COL6A6: variants seen among roughly 807,000 people sequenced by gnomAD.
The protein encoded by COL6A6 is collagen alpha-6(VI) chain.
Under a neutral mutation model 208.6 loss-of-function variants are expected in COL6A6, and 183 were observed. That is an observed-to-expected ratio of 0.88 (90% CI 0.78 to 0.99). COL6A6 has a LOEUF of 0.99. Ranked by LOEUF, COL6A6 falls within the 50% of genes least tolerant of loss-of-function variation. The probability of loss-of-function intolerance (pLI) is 0.00; values close to 1 mark genes in which losing one functional copy is unlikely to be tolerated. For missense variants in COL6A6, 2,816 were observed against 2,815.2 expected (o/e 1.00, Z -0.01); for synonymous variants, 973 against 1,011.8 (o/e 0.96, Z 0.73).
intron 33 of COL6A6, among the ~76,000 whole-genome samples, chr3:130,658,291 T>C (rs957756099): frequency 2.6e-5 from 4 of 152,154 alleles, no homozygotes; most frequent in African/African-American, 4.8e-5. Flanking sequence ...ATCTGTAAAA[T>C]GGGGATGATG....
chr3:130,649,589 C>T, intron 33 of COL6A6, 27 bp downstream of exon 33: 5 of 1,529,056 alleles, frequency 3.3e-6, no homozygotes, highest in Non-Finnish European at 4.4e-6. Context: ...TTTCACATGA[C>T]AATTCTTACT....
intron 23 of COL6A6, among the ~76,000 whole-genome samples, chr3:130,611,115 C>T (rs1049181502): frequency 5.9e-5 from 9 of 152,220 alleles, no homozygotes; most frequent in Non-Finnish European, 1.0e-4. Context: ...CCCCAGGACA[C>T]TTAAATCAGA....
Position 130,571,327 on chromosome 3 carries a change from A to T in COL6A6, c.2911A>T (p.Thr971Ser). 6.2e-7 allele frequency: 1 copy of T among 1,613,072 alleles called. No homozygotes were observed. The highest frequency in any genetic ancestry group is 1.1e-5 in the South Asian group (1 of 90,870). The part of the protein sequence containing the change: ...GSSDKYFFVE[T>S]FGGLKGIFSD... ...AAGCGACAAGTACTTCTTCGTGGAGACTTTTGGAGGTCTGAAGGGAATATT... is the reference window on the plus strand; with the variant it reads ...AAGCGACAAGTACTTCTTCGTGGAGTCTTTTGGAGGTCTGAAGGGAATATT... The change falls in exon 7 of 37, where the codon ACT becomes TCT. Residue 971 changes from threonine (T) to serine (S), a missense_variant. Transcript: ENST00000358511.
intron 23 of COL6A6, among the ~76,000 whole-genome samples, chr3:130,615,985 A>AT (rs2064506749): frequency 6.6e-6 from 1 of 152,022 alleles, no homozygotes; most frequent in African/African-American, 2.4e-5. Context: ...TACGTCTACC[A>AT]TTTTTCTGAC....
In COL6A6 at chr3:130,677,025, TAAAG is replaced by T. The variant is rs2066376062; in HGVS notation, c.*1631_*1634del. On this transcript the variant is annotated 3_prime_UTR_variant, in exon 37 of 37. Transcript: ENST00000358511. ...TTGTCTGTTTTTCTGCATTGGCAAG[TAAAG>T]AACATAAAACAAATATTCCCTTGGT... 1 of 152,260 alleles carries T rather than the reference TAAAG, an allele frequency of 6.6e-6. No homozygotes were observed. The highest frequency in any genetic ancestry group is 6.5e-5 in the Admixed American group (1 of 15,288). 9.4% of individuals were successfully genotyped at this position (152,260 alleles called of 1,614,324 possible).
At position 130,578,803 on chromosome 3, in the gene COL6A6, G is replaced by A. The variant is rs116579799; in HGVS notation, c.3548-2758G>A. On this transcript the variant is annotated intron_variant, in intron 8 of 36. Transcript: ENST00000358511. ...GGGACCAGGGCCTCCCTAAGTTCAC[G>A]TGGGTTGCACACGGGCACCAGAGCC... is the stretch of plus-strand genomic sequence containing the variant. 4.3e-3 allele frequency among the ~76,000 whole-genome samples: 651 copies of A among 152,280 alleles called. 1 individual carries two copies. The highest frequency in any genetic ancestry group is 0.014 in the African/African-American group (578 of 41,546).
At chr3:130,635,861 T>A in intron 28 of COL6A6, 100 bp downstream of exon 28, 1 of 866,304 alleles carries the variant, frequency 1.2e-6, no homozygotes, top group Non-Finnish European at 1.9e-6. Flanking sequence ...TACCAGTGAC[T>A]TGCAAAATGC....
intron 23 of COL6A6, among the ~76,000 whole-genome samples, chr3:130,620,624 A>C (rs979981424): frequency 6.6e-6 from 1 of 152,158 alleles, no homozygotes; most frequent in Admixed American, 6.6e-5. Flanking sequence ...GGGGAGAGAT[A>C]GGGTATTATG....
chr3:130,565,334 G>C lies in COL6A6; in HGVS notation c.1002G>C (p.Gln334His), dbSNP rs778007703. The change falls in exon 4 of 37, where the codon CAG becomes CAC. Residue 334 changes from glutamine (Q) to histidine (H), a missense_variant. Transcript: ENST00000358511. ...NGSRKNQGVPQIAVLVTHRDS... is the reference protein window; with the variant it reads ...NGSRKNQGVPHIAVLVTHRDS... ...GTCGGAAGAATCAGGGGGTGCCCCA[G>C]ATTGCCGTGCTGGTGACCCACCGAG... The C allele has an allele frequency of 3.5e-5, 57 of 1,612,384 alleles. No individual in the cohort carries two copies. In the South Asian group the frequency reaches 6.3e-4, roughly 18 times the overall value.
chr3:130,548,019 C>T (rs1242048583), intron 1 of COL6A6, among the ~76,000 whole-genome samples: 2 of 152,188 alleles, frequency 1.3e-5, no homozygotes, highest in African/African-American at 4.8e-5. Flanking sequence ...TCTTGAACTC[C>T]TCACTTCAGG....
At chr3:130,654,136 G>A (rs373358787) in intron 33 of COL6A6, among the ~76,000 whole-genome samples, 2 of 152,188 alleles carry the variant, frequency 1.3e-5, no homozygotes, top group Admixed American at 1.3e-4. Flanking sequence ...AATCATAAAG[G>A]TAGCTAATAC....
chr3:130,657,788 G>T (rs576872377), intron 33 of COL6A6, among the ~76,000 whole-genome samples: 2 of 152,296 alleles, frequency 1.3e-5, no homozygotes, highest in East Asian at 3.9e-4. Flanking sequence ...ATTAATTATG[G>T]TGATGGGGGA....
At chr3:130,519,287 G>A (rs2107655433) in intron 1 of COL6A6, among the ~76,000 whole-genome samples, 1 of 152,214 alleles carries the variant, frequency 6.6e-6, no homozygotes, top group African/African-American at 2.4e-5. Context: ...TCTTAAAAAT[G>A]ACTAAAAAGA....
intron 10 of COL6A6, among the ~76,000 whole-genome samples, chr3:130,585,241 T>C (rs1386080986): frequency 6.6e-6 from 1 of 152,204 alleles, no homozygotes; most frequent in African/African-American, 2.4e-5. Flanking sequence ...TATTCCAAGA[T>C]TATATCTTTA....
intron 8 of COL6A6, among the ~76,000 whole-genome samples, chr3:130,574,891 C>T (rs879641079): frequency 1.3e-5 from 2 of 152,162 alleles, no homozygotes; most frequent in African/African-American, 2.4e-5. Context: ...CTTGGCAATA[C>T]GGCCTATAGG....
At chr3:130,552,598 C>T (rs1396979132) in intron 1 of COL6A6, among the ~76,000 whole-genome samples, 1 of 152,174 alleles carries the variant, frequency 6.6e-6, no homozygotes, top group African/African-American at 2.4e-5. Context: ...CTTAATCCAA[C>T]TTGCCACTCT....
At chr3:130,560,665 C>G (rs963671992) in intron 2 of COL6A6, among the ~76,000 whole-genome samples, 1 of 152,188 alleles carries the variant, frequency 6.6e-6, no homozygotes, top group African/African-American at 2.4e-5. Flanking sequence ...TTTTGTCCTG[C>G]TTCAACCCCT....
In COL6A6 at chr3:130,599,787, A is replaced by G. The variant is rs763512834; in HGVS notation, c.4630A>G (p.Thr1544Ala). The change falls in exon 20 of 37, where the codon ACA becomes GCA. Residue 1544 changes from threonine (T) to alanine (A), a missense_variant. Coordinates refer to ENST00000358511, the MANE Select transcript of COL6A6 (RefSeq NM_001102608.3). ...GRRGWPGPPG[T>A]PGSRRKTAAH... ...AAGAGGCTGGCCAGGCCCCCCCGGG[A>G]CACCAGGCTCCAGAAGAAAGACAGT... 1 of 1,613,728 alleles carries G rather than the reference A, an allele frequency of 6.2e-7. No individual in the cohort carries two copies.
Position 130,662,008 on chromosome 3 carries a change from A to G in COL6A6, c.6202A>G (p.Thr2068Ala). 1 of 1,613,986 alleles carries G rather than the reference A, an allele frequency of 6.2e-7. No homozygotes were observed. Among genetic ancestry groups the G allele is most frequent in the South Asian group, 1.1e-5 (1 of 91,076 alleles). The change falls in exon 35 of 37, where the codon ACT (threonine) becomes GCT (alanine). Residue 2068 changes from threonine (T) to alanine (A), a missense_variant. Physicochemically the swap from Thr to Ala is moderately conservative, Grantham distance 58. Transcript: ENST00000358511. ...TTTTATTGGTCATGCCTTACAGTGG[A>G]CTCTGGACAATGTATTTTTAAGTAC... ...DAFIGHALQWTLDNVFLSTPN... is the reference protein window; with the variant it reads ...DAFIGHALQWALDNVFLSTPN...
Sources: gnomAD v4.1 joint callset for allele counts (sites outside exome capture counted in the v4.1 genomes callset) on GRCh38, gnomAD v4.1.1 for gene constraint, MANE v1.5 for transcripts, NCBI Gene and HGNC (gene_info 2026-07-23, HGNC 2026-07-21) for gene names.